IDE: variants seen among roughly 807,000 people sequenced by gnomAD.
IDE encodes the protein insulin-degrading enzyme.
In IDE, 58 loss-of-function variants were observed where a neutral mutation model predicts 133.2. That is an observed-to-expected ratio of 0.44 (90% confidence interval 0.35 to 0.54). IDE has a LOEUF of 0.54. Among genes scored for constraint, IDE ranks in the 20% least tolerant of loss-of-function variants. The pLI is 0.00. For missense variants in IDE, 981 were observed against 1,234.0 expected (o/e 0.79, Z 3.07); for synonymous variants, 396 against 421.3 (o/e 0.94, Z 0.73).
intron 13 of IDE, among the ~76,000 whole-genome samples, chr10:92,483,664 G>A (rs566555801): frequency 3.3e-5 from 5 of 152,292 alleles, no homozygotes; most frequent in Admixed American, 1.3e-4. Flanking sequence ...GAAGGCAGAG[G>A]CAGAAGTCCC....
At chr10:92,570,711 T>C (rs1387998262) in intron 1 of IDE, among the ~76,000 whole-genome samples, 1 of 152,012 alleles carries the variant, frequency 6.6e-6, no homozygotes, top group East Asian at 1.9e-4. Flanking sequence ...GCCCAGGAGT[T>C]TGAGACCACC....
At chr10:92,515,273 T>C (rs561250606) in intron 4 of IDE, among the ~76,000 whole-genome samples, 1 of 151,794 alleles carries the variant, frequency 6.6e-6, no homozygotes, top group East Asian at 1.9e-4. Flanking sequence ...TTTTTTTTTT[T>C]TTTTGAGACG....
intron 17 of IDE, among the ~76,000 whole-genome samples, chr10:92,471,220 G>C (rs957443935): frequency 1.3e-5 from 2 of 151,908 alleles, no homozygotes; most frequent in Admixed American, 6.6e-5. Flanking sequence ...TAATCCTTCT[G>C]TAAGGAAGAG....
chr10:92,471,987 C>A (rs1235460602), intron 17 of IDE, among the ~76,000 whole-genome samples: 2 of 152,222 alleles, frequency 1.3e-5, no homozygotes, highest in Admixed American at 1.3e-4. Context: ...CTGGACCACA[C>A]TGAACCCTGA....
rs1564647566 is a variant in IDE, at chr10:92,524,374, ATT to A, written c.661+7372_661+7373del. The stretch of plus-strand genomic sequence containing the variant: ...TAATATATTTTATATTATAATATAT[ATT>A]ATATATAATATATTTTATATAATAT... On this transcript the variant is annotated intron_variant, in intron 4 of 24. Transcript: ENST00000265986. 6.6e-3 allele frequency among the ~76,000 whole-genome samples: 205 copies of A among 30,994 alleles called. 24 individuals carry two copies. The highest frequency in any genetic ancestry group is 9.4e-3 in the Non-Finnish European group (142 of 15,028). 20.3% of individuals were successfully genotyped at this position (30,994 alleles called of 152,430 possible).
At chr10:92,538,953 T>TG (rs1842159232) in intron 1 of IDE, among the ~76,000 whole-genome samples, 2 of 152,182 alleles carry the variant, frequency 1.3e-5, no homozygotes, top group African/African-American at 4.8e-5. Context: ...CCTTAAAGAC[T>TG]GACAGCTAGA....
intron 1 of IDE, among the ~76,000 whole-genome samples, chr10:92,555,534 C>T (rs1842966694): frequency 6.6e-6 from 1 of 150,410 alleles, no homozygotes; most frequent in African/African-American, 2.4e-5. Context: ...ACTAAAGTAT[C>T]CAATGGTCAA....
chr10:92,572,394 AGAG>A (rs1564691542), intron 1 of IDE, among the ~76,000 whole-genome samples: 2 of 152,230 alleles, frequency 1.3e-5, no homozygotes, highest in African/African-American at 4.8e-5. Context: ...AGTGGAAAAC[AGAG>A]GAGAACAAGT....
chr10:92,571,433 T>C (rs1554855154), intron 1 of IDE, among the ~76,000 whole-genome samples: 1 of 152,164 alleles, frequency 6.6e-6, no homozygotes, highest in Non-Finnish European at 1.5e-5. Context: ...TTTAAAAGCT[T>C]GAATGTTGAT....
intron 1 of IDE, among the ~76,000 whole-genome samples, chr10:92,569,854 A>G (rs1005934292): frequency 6.6e-6 from 1 of 152,200 alleles, no homozygotes; most frequent in Non-Finnish European, 1.5e-5. Context: ...TCACGCCTGT[A>G]ATCCGAGCAC....
intron 20 of IDE, 32 bp downstream of exon 20, chr10:92,465,644 A>G (rs1845643790): frequency 6.3e-7 from 1 of 1,582,494 alleles, no homozygotes; most frequent in East Asian, 2.2e-5. Context: ...CAAAGTCTAC[A>G]GTACCCTGCT....
chr10:92,461,346 C>CT (rs1845380309), intron 21 of IDE, 94 bp from the exon 22 acceptor site: 6 of 585,658 alleles, frequency 1.0e-5, no homozygotes, highest in Admixed American at 2.9e-5. Flanking sequence ...CTCCAAGACT[C>CT]TTAAGTATCC....
intron 15 of IDE, 101 bp downstream of exon 15, chr10:92,479,172 TAAAA>T (rs35864975): frequency 3.2e-6 from 2 of 629,030 alleles, no homozygotes; most frequent in South Asian, 3.3e-5. Flanking sequence ...CCATAAAGAT[TAAAA>T]AAAAAAGAAA....
intron 11 of IDE, among the ~76,000 whole-genome samples, chr10:92,496,172 G>A (rs1847691175): frequency 6.6e-6 from 1 of 152,150 alleles, no homozygotes; most frequent in Non-Finnish European, 1.5e-5. Context: ...ACCACGCCTG[G>A]CCTAAAGTGT....
chr10:92,487,843 C>A (rs1328332592), intron 12 of IDE, among the ~76,000 whole-genome samples: 1 of 152,236 alleles, frequency 6.6e-6, no homozygotes, highest in African/African-American at 2.4e-5. Context: ...GCCGCCCAGG[C>A]TGGAGTGCAG....
chr10:92,568,726 G>GA (rs1246702146), intron 1 of IDE, among the ~76,000 whole-genome samples: 1 of 152,022 alleles, frequency 6.6e-6, no homozygotes, highest in African/African-American at 2.4e-5. Flanking sequence ...TGAGGCAGGA[G>GA]AATCGCCTGA....
intron 1 of IDE, among the ~76,000 whole-genome samples, chr10:92,567,123 T>C (rs1843593576): frequency 6.6e-6 from 1 of 152,192 alleles, no homozygotes; most frequent in African/African-American, 2.4e-5. Context: ...CTACGGGACC[T>C]GAGGGTAACA....
intron 11 of IDE, among the ~76,000 whole-genome samples, chr10:92,499,484 G>A (rs1847894487): frequency 6.6e-6 from 1 of 152,032 alleles, no homozygotes; most frequent in Non-Finnish European, 1.5e-5. Flanking sequence ...CCAGGCTGGA[G>A]TGCAGTGGTA....
intron 12 of IDE, among the ~76,000 whole-genome samples, chr10:92,488,929 A>AT (rs1299336764): frequency 2.2e-4 from 17 of 79,036 alleles, no homozygotes; most frequent in African/African-American, 5.6e-4. Context: ...GCTTTTCATT[A>AT]TTTAAAAAAA....
Sources: allele counts gnomAD v4.1 joint callset (sites outside exome capture counted in the v4.1 genomes callset), GRCh38; gene constraint gnomAD v4.1.1; transcripts MANE v1.5; gene names NCBI Gene and HGNC (gene_info 2026-07-23, HGNC 2026-07-21).